Variants in MEI4 observed in about 807,000 individuals in gnomAD.
The protein encoded by MEI4 is meiotic double-stranded break formation protein 4, also known as meiosis-specific protein MEI4.
Under a neutral mutation model 31.4 loss-of-function variants are expected in MEI4, and 27 were observed. The observed-to-expected ratio is 0.86, with a 90% CI of 0.63 to 1.19. The LOEUF is 1.19. Ranked by LOEUF, MEI4 falls within the 50% of genes most tolerant of loss-of-function variation. The pLI, the probability that MEI4 is intolerant of heterozygous loss-of-function variation, is 0.00. For synonymous variants in MEI4, 122 were observed against 145.4 expected (o/e 0.84, Z 1.16); for missense variants, 329 against 398.9 (o/e 0.82, Z 1.49).
chr6:77,710,350 C>T (rs1024254146), intron 2 of MEI4, among the ~76,000 whole-genome samples: 3 of 151,766 alleles, frequency 2.0e-5, no homozygotes, highest in South Asian at 2.1e-4. Context: ...GGTGAAACCC[C>T]GTCTCTACTA....
intron 4 of MEI4, among the ~76,000 whole-genome samples, chr6:77,850,359 GCATCACA>G (rs1261482890): frequency 6.6e-6 from 1 of 152,132 alleles, no homozygotes; most frequent in Non-Finnish European, 1.5e-5. Flanking sequence ...AAAGCTGGAG[GCATCACA>G]CTCCCTGACT....
intron 2 of MEI4, among the ~76,000 whole-genome samples, chr6:77,715,697 A>G (rs986320168): frequency 2.0e-5 from 3 of 152,196 alleles, no homozygotes; most frequent in African/African-American, 7.2e-5. Context: ...CTATACTTAA[A>G]AAGAGTGTTA....
At chr6:77,757,157 A>G (rs372902494) in intron 2 of MEI4, among the ~76,000 whole-genome samples, 1 of 152,170 alleles carries the variant, frequency 6.6e-6, no homozygotes, top group Non-Finnish European at 1.5e-5. Flanking sequence ...TCAAAATAAC[A>G]TATCTTTCAG....
chr6:77,753,331 GAA>G (rs1208480868), intron 2 of MEI4, among the ~76,000 whole-genome samples: 1 of 151,580 alleles, frequency 6.6e-6, no homozygotes, highest in Non-Finnish European at 1.5e-5. Context: ...CAGAATGGGA[GAA>G]AAGTTTTACA....
At chr6:77,911,259 T>C (rs997672844) in intron 4 of MEI4, among the ~76,000 whole-genome samples, 1 of 152,136 alleles carries the variant, frequency 6.6e-6, no homozygotes. Context: ...ATGCAGAATC[T>C]TCTTAGTTCA....
chr6:77,664,290 A>C (rs1768577136), intron 1 of MEI4, among the ~76,000 whole-genome samples: 1 of 152,046 alleles, frequency 6.6e-6, no homozygotes, highest in Non-Finnish European at 1.5e-5. Context: ...CGGCCTTTTG[A>C]CTTTTTGGGG....
intron 1 of MEI4, among the ~76,000 whole-genome samples, chr6:77,663,942 C>T (rs913961587): frequency 2.0e-4 from 30 of 152,288 alleles, no homozygotes; most frequent in African/African-American, 7.0e-4. Flanking sequence ...GGGTCCCACA[C>T]AGATGGGACG....
At chr6:77,680,476 A>C (rs1037523851) in intron 1 of MEI4, among the ~76,000 whole-genome samples, 8 of 152,076 alleles carry the variant, frequency 5.3e-5, no homozygotes, top group Non-Finnish European at 1.5e-5. Context: ...TTATTCACAG[A>C]ACCTGGAAAC....
At chr6:77,841,333 A>ATTTT (rs1239589008) in intron 4 of MEI4, among the ~76,000 whole-genome samples, 12 of 27,734 alleles carry the variant, frequency 4.3e-4, no homozygotes, top group Admixed American at 5.9e-4. Flanking sequence ...ATATATATAT[A>ATTTT]TTTTTTTTTT....
At chr6:77,917,016 C>T (rs1029396810) in intron 4 of MEI4, among the ~76,000 whole-genome samples, 39 of 147,578 alleles carry the variant, frequency 2.6e-4, no homozygotes, top group African/African-American at 6.7e-4. Context: ...TGAGAATATG[C>T]GGTGTTTGGT....
intron 1 of MEI4, among the ~76,000 whole-genome samples, chr6:77,659,928 G>T (rs1454685819): frequency 6.6e-6 from 1 of 152,254 alleles, no homozygotes; most frequent in Non-Finnish European, 1.5e-5. Flanking sequence ...GTCCAAATAT[G>T]GGGGGAGTAG....
intron 4 of MEI4, among the ~76,000 whole-genome samples, chr6:77,874,674 G>A (rs990582763): frequency 6.6e-6 from 1 of 152,092 alleles, no homozygotes; most frequent in Non-Finnish European, 1.5e-5. Context: ...GGGCATCCCT[G>A]TCTTGTGCCA....
At chr6:77,727,181 A>G (rs950982223) in intron 2 of MEI4, among the ~76,000 whole-genome samples, 24 of 152,164 alleles carry the variant, frequency 1.6e-4, no homozygotes, top group Non-Finnish European at 2.5e-4. Flanking sequence ...GAGTCCACCT[A>G]CTTGGATCAA....
At chr6:77,825,177 G>C (rs948555884) in intron 3 of MEI4, among the ~76,000 whole-genome samples, 9 of 152,064 alleles carry the variant, frequency 5.9e-5, no homozygotes, top group African/African-American at 2.2e-4. Context: ...AAATCAGAAG[G>C]CATATGGTTT....
intron 4 of MEI4, among the ~76,000 whole-genome samples, chr6:77,877,425 GC>G (rs1239283069): frequency 6.6e-6 from 1 of 151,980 alleles, no homozygotes; most frequent in Non-Finnish European, 1.5e-5. Context: ...CAGTTGAAAT[GC>G]CAGTTTTCAG....
chr6:77,819,695 T>A lies in MEI4; in HGVS notation c.769-9236T>A, dbSNP rs567898793. 3.3e-5 allele frequency among the ~76,000 whole-genome samples: 5 copies of A among 152,300 alleles called. No individual in the cohort carries two copies. The South Asian group carries it at 1.0e-3, about 32-fold the overall frequency. Reference sequence around the variant, plus strand: ...CCTTTCCTTTATTAAAGAGGCCCAATAGCTAATTTCTTAGGAAGTAATAAA... The same window carrying A: ...CCTTTCCTTTATTAAAGAGGCCCAAAAGCTAATTTCTTAGGAAGTAATAAA... On this transcript the variant is annotated intron_variant, in intron 3 of 4. Transcript: ENST00000684080.
intron 3 of MEI4, among the ~76,000 whole-genome samples, chr6:77,803,326 G>T (rs912401413): frequency 1.3e-5 from 2 of 152,140 alleles, no homozygotes; most frequent in South Asian, 4.1e-4. Flanking sequence ...GCTCCATCAG[G>T]TCCTTTAAGG....
intron 1 of MEI4, among the ~76,000 whole-genome samples, chr6:77,679,537 T>A (rs953035799): frequency 6.6e-6 from 1 of 152,182 alleles, no homozygotes; most frequent in Admixed American, 6.5e-5. Flanking sequence ...AAGGATGGAT[T>A]TCTTGGAAGG....
At chr6:77,787,129 A>G (rs1768757257) in intron 3 of MEI4, among the ~76,000 whole-genome samples, 2 of 151,890 alleles carry the variant, frequency 1.3e-5, no homozygotes, top group Admixed American at 1.3e-4. Flanking sequence ...AGAGGCAGAT[A>G]TGCAGACTTT....
Sources: allele counts gnomAD v4.1 joint callset (sites outside exome capture counted in the v4.1 genomes callset), GRCh38; gene constraint gnomAD v4.1.1; transcripts MANE v1.5; gene names NCBI Gene and HGNC (gene_info 2026-07-23, HGNC 2026-07-21).